The following RBBP5 variants were observed in gnomAD, a reference collection of about 807,000 sequenced individuals.
The protein encoded by RBBP5 is RB binding protein 5, histone lysine methyltransferase complex subunit.
RBBP5 carries 5 observed loss-of-function variants against 72.2 expected under a neutral mutation model. The observed-to-expected ratio is 0.07, with a 90% CI of 0.04 to 0.15. The LOEUF (loss-of-function observed/expected upper bound fraction) is 0.15. RBBP5 is among the 10% of genes least tolerant of loss of function. The pLI is 1.00. For missense variants in RBBP5, 322 were observed against 652.2 expected (o/e 0.49, Z 5.51); for synonymous variants, 209 against 237.2 (o/e 0.88, Z 1.09).
intron 3 of RBBP5, among the ~76,000 whole-genome samples, chr1:205,109,089 A>C (rs1656198561): frequency 6.6e-6 from 1 of 152,224 alleles, no homozygotes. Context: ...TAAAGCCTGC[A>C]CACAAAAGGA....
chr1:205,116,771 G>T (rs1372893149), intron 1 of RBBP5, among the ~76,000 whole-genome samples: 1 of 152,082 alleles, frequency 6.6e-6, no homozygotes, highest in Non-Finnish European at 1.5e-5. Flanking sequence ...CTGAGATCGT[G>T]CCACTGCACT....
At chr1:205,101,872 T>A (rs549929107) in intron 5 of RBBP5, among the ~76,000 whole-genome samples, 163 bp from the exon 6 acceptor site, 16 of 151,554 alleles carry the variant, frequency 1.1e-4, no homozygotes, top group African/African-American at 3.9e-4. Context: ...CTTCCTTAAG[T>A]AAGACAAGGT....
chr1:205,088,670 C>G lies in RBBP5; in HGVS notation c.*117G>C, dbSNP rs973969987. On this transcript the variant is annotated 3_prime_UTR_variant, in exon 14 of 14. Coordinates refer to ENST00000264515, the MANE Select transcript of RBBP5 (RefSeq NM_005057.4). ...AACATAAAATTCACCCTCCCACCTC[C>G]TGGGTGGGAGGCACAGGCCTTTGTT... is the stretch of plus-strand genomic sequence containing the variant. 8.7e-6 allele frequency: 9 copies of G among 1,033,306 alleles called. No homozygotes were observed. The Admixed American group carries it at 1.4e-4, about 16-fold the overall frequency. The allele number at this position is 1,033,306 out of a possible 1,614,324, so 64.0% of individuals were successfully genotyped here. A position where few individuals can be genotyped will look rare whatever the true frequency, so the allele number is the denominator to read the frequency against.
intron 1 of RBBP5, among the ~76,000 whole-genome samples, chr1:205,119,528 T>A (rs1342754123): frequency 2.6e-5 from 4 of 152,220 alleles, no homozygotes; most frequent in African/African-American, 9.6e-5. Context: ...CTTCCATCCT[T>A]AAGTTTTTAC....
In RBBP5 at chr1:205,097,516, A is replaced by G. The variant is rs1043039331; in HGVS notation, c.1097-121T>C. 7.4e-5 allele frequency: 67 copies of G among 899,856 alleles called. No individual in the cohort carries two copies. The Middle Eastern group carries it at 2.0e-3, about 27-fold the overall frequency. The allele number at this position is 899,856 out of a possible 1,614,324, so 55.7% of individuals were successfully genotyped here. ...ACAAAGGAGGAAAACCAAACAGTTC[A>G]CTTCACTTAATCATTTAACAAATAT... On this transcript the variant is annotated intron_variant, in intron 10 of 13. Transcript: ENST00000264515.
chr1:205,121,077 G>T (rs1338128230), intron 1 of RBBP5, among the ~76,000 whole-genome samples: 1 of 152,192 alleles, frequency 6.6e-6, no homozygotes, highest in Admixed American at 6.5e-5. Context: ...TTTTAAAAGA[G>T]AAACCTAACC....
At chr1:205,091,391 AG>A (rs762878392) in intron 13 of RBBP5, 20 of 152,250 alleles carry the variant, frequency 1.3e-4, no homozygotes, top group East Asian at 5.8e-4. Flanking sequence ...CCTTCCCAAA[AG>A]TCCCAAGCTC....
At chr1:205,111,158 ATC>A (rs1656298876) in intron 3 of RBBP5, among the ~76,000 whole-genome samples, 1 of 152,198 alleles carries the variant, frequency 6.6e-6, no homozygotes, top group South Asian at 2.1e-4. Context: ...GGGTTGAAAA[ATC>A]TCTTACTTTA....
chr1:205,112,811 C>T (rs1231807129), intron 3 of RBBP5, among the ~76,000 whole-genome samples: 6 of 152,114 alleles, frequency 3.9e-5, no homozygotes, highest in Non-Finnish European at 7.4e-5. Context: ...CAATTACAAA[C>T]TATGCTTTAA....
chr1:205,097,451 T>G, intron 10 of RBBP5, 56 bp from the exon 11 acceptor site: 1 of 1,491,366 alleles, frequency 6.7e-7, no homozygotes, highest in South Asian at 1.2e-5. Context: ...TGCTTTTTAT[T>G]TGCAGCTTCA....
intron 3 of RBBP5, among the ~76,000 whole-genome samples, chr1:205,111,640 C>T (rs1000218243): frequency 6.6e-6 from 1 of 152,218 alleles, no homozygotes; most frequent in Non-Finnish European, 1.5e-5. Context: ...TACTGCAACA[C>T]TCATTATCTC....
In RBBP5 at chr1:205,114,795, G is replaced by C. The variant is rs1011885793; in HGVS notation, c.212C>G (p.Ser71Cys). The change falls in exon 3 of 14, where the codon TCT becomes TGT. Residue 71 changes from serine to cysteine, a missense_variant. Physicochemically the swap from Ser to Cys is moderately radical, Grantham distance 112. Coordinates refer to ENST00000264515, the MANE Select transcript of RBBP5 (RefSeq NM_005057.4). ...IISAHIHPVC[S>C]LCWSRDGHKL... ...TAATTAAAAAATGTCTTACCATAAA[G>C]AACACACTGGATGGATGTGTGCACT... The C allele has an allele frequency of 3.3e-6, 5 of 1,534,546 alleles. No homozygotes were observed. Among genetic ancestry groups the C allele is most frequent in the Non-Finnish European group, 4.4e-6 (5 of 1,139,556 alleles).
intron 3 of RBBP5, among the ~76,000 whole-genome samples, chr1:205,113,352 C>T (rs74380055): frequency 0.068 from 10,279 of 151,720 alleles, 563 homozygotes; most frequent in African/African-American, 0.13. Context: ...ACAATCATGG[C>T]TCATTACAGC....
Position 205,121,975 on chromosome 1 carries a change from T to A in RBBP5, c.-102A>T. ...TAAGTGGTGGACGCCGCGAAGAGACTGGCGCAAGCTCCGAAGACTTTCGGC... is the reference window on the plus strand; with the variant it reads ...TAAGTGGTGGACGCCGCGAAGAGACAGGCGCAAGCTCCGAAGACTTTCGGC... On this transcript the variant is annotated 5_prime_UTR_variant, in exon 1 of 14. Coordinates refer to ENST00000264515, the MANE Select transcript of RBBP5 (RefSeq NM_005057.4). 3 of 1,555,508 alleles carry A rather than the reference T, an allele frequency of 1.9e-6. No homozygotes were observed. The highest frequency in any genetic ancestry group is 2.6e-6 in the Non-Finnish European group (3 of 1,146,344).
chr1:205,110,506 G>A (rs1253037132), intron 3 of RBBP5, among the ~76,000 whole-genome samples: 1 of 152,054 alleles, frequency 6.6e-6, no homozygotes, highest in Non-Finnish European at 1.5e-5. Flanking sequence ...ATACTCTATA[G>A]ACACAACTAT....
intron 3 of RBBP5, among the ~76,000 whole-genome samples, chr1:205,110,090 G>A (rs1023273103): frequency 3.3e-5 from 5 of 151,440 alleles, no homozygotes; most frequent in African/African-American, 9.7e-5. Flanking sequence ...GGCAGATCCC[G>A]GCTCACCGCA....
chr1:205,094,926 A>C lies in RBBP5; in HGVS notation c.1535T>G (p.Leu512Arg). ...CACTTTACCCTTCGCTGATCCTTCC[A>C]GAGGTAAACCTCTGTCCCCTTTGTA... Reference protein sequence around the residue: ...KLYKGDRGLPLEGSAKGKVQA... With the variant: ...KLYKGDRGLPREGSAKGKVQA... Residue 512 changes from leucine (L) to arginine (R), a missense_variant, in exon 13 of 14, where the codon CTG becomes CGG. Leu to Arg is a moderately radical substitution (Grantham distance 102). Coordinates refer to ENST00000264515, the MANE Select transcript of RBBP5 (RefSeq NM_005057.4). 1 of 1,614,188 alleles carries C rather than the reference A, an allele frequency of 6.2e-7. No individual in the cohort carries two copies. Among genetic ancestry groups the C allele is most frequent in the Non-Finnish European group, 8.5e-7 (1 of 1,180,038 alleles).
intron 1 of RBBP5, among the ~76,000 whole-genome samples, chr1:205,117,527 GCGCATGCCTGTAATCC>G (rs1420132325): frequency 1.3e-5 from 2 of 151,688 alleles, no homozygotes; most frequent in African/African-American, 4.8e-5. Flanking sequence ...AGGCGTGGTG[GCGCATGCCTGTAATCC>G]CAGCTACTCC....
chr1:205,108,389 G>C (rs1228595066), intron 3 of RBBP5, among the ~76,000 whole-genome samples: 3 of 152,188 alleles, frequency 2.0e-5, no homozygotes, highest in African/African-American at 7.2e-5. Flanking sequence ...GGGACAACAG[G>C]AAGGTAAGGT....
Sources: allele counts gnomAD v4.1 joint callset (sites outside exome capture counted in the v4.1 genomes callset), GRCh38; gene constraint gnomAD v4.1.1; transcripts MANE v1.5; gene names NCBI Gene and HGNC (gene_info 2026-07-23, HGNC 2026-07-21).